Variants in FAM168B observed in about 807,000 individuals in gnomAD.
The protein encoded by FAM168B is family with sequence similarity 168 member B.
A neutral mutation model predicts 21.8 loss-of-function variants in FAM168B; 19 were observed. The ratio of observed to expected loss-of-function variants is 0.87; its 90% CI spans 0.61 to 1.28. The LOEUF (loss-of-function observed/expected upper bound fraction) is 1.28, where lower values mean the gene tolerates loss of function less well. Among genes scored for constraint, FAM168B ranks in the 50% most tolerant of loss-of-function variants. The pLI is 0.00. For missense variants in FAM168B, 233 were observed against 263.1 expected (o/e 0.89, Z 0.79); for synonymous variants, 126 against 104.8 (o/e 1.20, Z -1.24).
intron 5 of FAM168B, among the ~76,000 whole-genome samples, chr2:131,054,802 T>G (rs1429294044): frequency 6.6e-6 from 1 of 152,140 alleles, no homozygotes; most frequent in Non-Finnish European, 1.5e-5. Flanking sequence ...TAAAGTACGG[T>G]AGATGAATGC....
At position 131,052,189 on chromosome 2, in the gene FAM168B, T is replaced by A; in HGVS notation, c.*276A>T. 1 of 985,788 alleles carries A rather than the reference T, an allele frequency of 1.0e-6. No homozygotes were observed. The highest frequency in any genetic ancestry group is 1.2e-6 in the Non-Finnish European group (1 of 829,928). 61.1% of individuals were successfully genotyped at this position (985,788 alleles called of 1,614,324 possible). On this transcript the variant is annotated 3_prime_UTR_variant, in exon 7 of 7. Coordinates refer to ENST00000389915, the MANE Select transcript of FAM168B (RefSeq NM_001009993.4). ...TTTTAAACATGCATTCAACTAGATA[T>A]GATTCAGAATAGATTAATACTCCCT...
intron 3 of FAM168B, among the ~76,000 whole-genome samples, chr2:131,061,573 G>C (rs1410968283): frequency 6.6e-6 from 1 of 152,014 alleles, no homozygotes; most frequent in Non-Finnish European, 1.5e-5. Context: ...CTGAGGTCAG[G>C]AATTTGAAAC....
In FAM168B at chr2:131,050,928, C is replaced by G. The variant is rs765475669; in HGVS notation, c.*1537G>C. The G allele has an allele frequency of 4.1e-6, 4 of 985,604 alleles. No homozygotes were observed. Among genetic ancestry groups the G allele is most frequent in the African/African-American group, 1.7e-5 (1 of 57,244 alleles). The allele number at this position is 985,604 out of a possible 1,614,324, so 61.1% of individuals were successfully genotyped here. A position where few individuals can be genotyped will look rare whatever the true frequency, so the allele number is the denominator to read the frequency against. On this transcript the variant is annotated 3_prime_UTR_variant, in exon 7 of 7. Transcript: ENST00000389915. ...ACCCAGGCCTTACATCCCCCACCCC[C>G]ACTCTGACCCTCACTGAGAACCGAC...
intron 1 of FAM168B, among the ~76,000 whole-genome samples, chr2:131,091,592 A>T (rs1694032235): frequency 6.6e-6 from 1 of 151,586 alleles, no homozygotes; most frequent in Admixed American, 6.6e-5. Flanking sequence ...GGTTGCAGTG[A>T]GCCGAGATCA....
intron 2 of FAM168B, among the ~76,000 whole-genome samples, chr2:131,072,775 G>T (rs1573791230): frequency 6.6e-6 from 1 of 152,112 alleles, no homozygotes; most frequent in African/African-American, 2.4e-5. Context: ...AACATTTCTG[G>T]AAGTTTCATT....
chr2:131,063,908 T>C (rs1692428990), intron 3 of FAM168B, among the ~76,000 whole-genome samples: 2 of 152,074 alleles, frequency 1.3e-5, no homozygotes, highest in Admixed American at 6.6e-5. Flanking sequence ...TATCCCTCCA[T>C]AGTAACTCAA....
Position 131,050,311 on chromosome 2 carries a change from G to A in FAM168B, c.*2154C>T. 1.0e-6 allele frequency: 1 copy of A among 985,412 alleles called. No individual in the cohort carries two copies. The highest frequency in any genetic ancestry group is 1.2e-6 in the Non-Finnish European group (1 of 829,926). The allele number at this position is 985,412 out of a possible 1,614,324, so 61.0% of individuals were successfully genotyped here. A position where few individuals can be genotyped will look rare whatever the true frequency, so the allele number is the denominator to read the frequency against. ...CTTTTTAAAAGCATACACTAACATT[G>A]TGAGTATTTTATCCTAATCTATTAG... On this transcript the variant is annotated 3_prime_UTR_variant, in exon 7 of 7. Transcript: ENST00000389915.
At chr2:131,075,770 G>A (rs1049336289) in intron 2 of FAM168B, among the ~76,000 whole-genome samples, 4 of 152,020 alleles carry the variant, frequency 2.6e-5, no homozygotes, top group African/African-American at 4.8e-5. Context: ...TTACAGGCAC[G>A]AGCCACCGCG....
chr2:131,084,069 A>AT (rs1486442494), intron 1 of FAM168B, among the ~76,000 whole-genome samples: 3 of 151,308 alleles, frequency 2.0e-5, no homozygotes, highest in African/African-American at 7.3e-5. Context: ...CACCCAGCTA[A>AT]TTTTTGTATT....
rs1238204881 is a variant in FAM168B, at chr2:131,048,827, C to T, written c.*3638G>A. The T allele has an allele frequency of 2.0e-6, 2 of 986,180 alleles. No individual in the cohort carries two copies. The highest frequency in any genetic ancestry group is 1.2e-4 in the Admixed American group (2 of 16,278). 61.1% of individuals were successfully genotyped at this position (986,180 alleles called of 1,614,324 possible). A position where few individuals can be genotyped will look rare whatever the true frequency, so the allele number is the denominator to read the frequency against. On this transcript the variant is annotated 3_prime_UTR_variant, in exon 7 of 7. Transcript: ENST00000389915. ...GAGAGGAGGACCAGACGCTGCCACC[C>T]ACCTCAAGCCACACCCCTGCCACCT...
intron 3 of FAM168B, among the ~76,000 whole-genome samples, chr2:131,065,696 G>T (rs1692516019): frequency 6.6e-6 from 1 of 151,542 alleles, no homozygotes; most frequent in African/African-American, 2.4e-5. Context: ...GGCTGAGGCA[G>T]GAGAATCGCT....
At chr2:131,065,805 A>G (rs1293323704) in intron 3 of FAM168B, among the ~76,000 whole-genome samples, 1 of 151,134 alleles carries the variant, frequency 6.6e-6, no homozygotes, top group Non-Finnish European at 1.5e-5. Flanking sequence ...AAAAGAAAAA[A>G]AGAAAAAAAA....
intron 1 of FAM168B, among the ~76,000 whole-genome samples, chr2:131,090,485 G>C (rs1007165061): frequency 6.6e-6 from 1 of 152,092 alleles, no homozygotes; most frequent in East Asian, 1.9e-4. Context: ...ATTTTAAGAG[G>C]TTTAGATTCA....
In FAM168B at chr2:131,069,306, C is replaced by T. The variant is rs116866826; in HGVS notation, c.154+2549G>A. On this transcript the variant is annotated intron_variant, in intron 3 of 6. Transcript: ENST00000389915. ...GAGTAACTTACGTTATGGTGGTCTA[C>T]GGCATGATCATCACATGCCACATTG... Among the ~76,000 whole-genome samples, 23 of 152,338 alleles carry T rather than the reference C, an allele frequency of 1.5e-4. No homozygotes were observed. In the East Asian group the frequency reaches 4.0e-3, roughly 27 times the overall value.
At chr2:131,081,609 CTA>C (rs1225622889) in intron 2 of FAM168B, among the ~76,000 whole-genome samples, 1 of 152,220 alleles carries the variant, frequency 6.6e-6, no homozygotes, top group African/African-American at 2.4e-5. Context: ...ACTGTTTAGT[CTA>C]TCTCTTTGCT....
intron 2 of FAM168B, among the ~76,000 whole-genome samples, chr2:131,075,348 A>C (rs1693090620): frequency 6.6e-6 from 1 of 151,994 alleles, no homozygotes; most frequent in Non-Finnish European, 1.5e-5. Context: ...AATTTCCAGA[A>C]ATTCCAAATT....
At position 131,092,210 on chromosome 2, in the gene FAM168B, T is replaced by C. The variant is rs539014100; in HGVS notation, c.-12+1004A>G. Among the ~76,000 whole-genome samples the C allele has an allele frequency of 4.0e-5, 6 of 151,300 alleles. No homozygotes were observed. In the South Asian group the frequency reaches 8.3e-4, roughly 21 times the overall value. On this transcript the variant is annotated intron_variant, in intron 1 of 6. Transcript: ENST00000389915. Reference sequence around the variant, plus strand: ...ACTGTCTAAGACAACTTGGGTATAATTTCCCTTTAAACTACGGAACTCCAC... The same window carrying C: ...ACTGTCTAAGACAACTTGGGTATAACTTCCCTTTAAACTACGGAACTCCAC...
chr2:131,050,148 CTT>C lies in FAM168B; in HGVS notation c.*2315_*2316del. On this transcript the variant is annotated 3_prime_UTR_variant, in exon 7 of 7. Transcript: ENST00000389915. ...TGGCGTGTGGGGGGTGCAGCCCACT[CTT>C]TAAAACACCATCCTGTGTGTGCCAA... is the stretch of plus-strand genomic sequence containing the variant. 2 of 985,446 alleles carry C rather than the reference CTT, an allele frequency of 2.0e-6. No homozygotes were observed. Among genetic ancestry groups the C allele is most frequent in the Non-Finnish European group, 2.4e-6 (2 of 829,934 alleles). 61.0% of individuals were successfully genotyped at this position (985,446 alleles called of 1,614,324 possible). A position where few individuals can be genotyped will look rare whatever the true frequency, so the allele number is the denominator to read the frequency against.
intron 2 of FAM168B, among the ~76,000 whole-genome samples, chr2:131,072,369 C>T (rs1023790786): frequency 2.6e-5 from 4 of 152,074 alleles, no homozygotes; most frequent in Non-Finnish European, 4.4e-5. Flanking sequence ...GTTGATCCAC[C>T]CGCCTCGGCC....
Sources: allele counts gnomAD v4.1 joint callset (sites outside exome capture counted in the v4.1 genomes callset), GRCh38; gene constraint gnomAD v4.1.1; transcripts MANE v1.5; gene names NCBI Gene and HGNC (gene_info 2026-07-23, HGNC 2026-07-21).